The following FANCC variants were observed in gnomAD, a reference collection of about 807,000 sequenced individuals.
The protein encoded by FANCC is FA complementation group C.
A neutral mutation model predicts 71.3 loss-of-function variants in FANCC; 55 were observed. The ratio of observed to expected loss-of-function variants is 0.77; its 90% CI spans 0.62 to 0.97. FANCC has a LOEUF of 0.97. Among genes scored for constraint, FANCC ranks in the 50% least tolerant of loss-of-function variants. The pLI is 0.00. For missense variants in FANCC, 678 were observed against 670.9 expected, an observed-to-expected ratio of 1.01 and a Z score of -0.12; for synonymous variants, 275 against 244.9, an observed-to-expected ratio of 1.12 and a Z score of -1.15.
chr9:95,272,739 A>C (rs1322850347), intron 1 of FANCC, among the ~76,000 whole-genome samples: 1 of 152,158 alleles, frequency 6.6e-6, no homozygotes, highest in African/African-American at 2.4e-5. Context: ...TAACAGAAGT[A>C]ATTTTTCATT....
chr9:95,117,222 T>A, intron 11 of FANCC, 93 bp downstream of exon 11: 1 of 1,085,786 alleles, frequency 9.2e-7, no homozygotes, highest in South Asian at 1.3e-5. Context: ...GTCTCCCTCA[T>A]GCTGTAGATA....
At chr9:95,179,845 T>C (rs1338026056) in intron 4 of FANCC, among the ~76,000 whole-genome samples, 4 of 152,246 alleles carry the variant, frequency 2.6e-5, no homozygotes, top group African/African-American at 9.6e-5. Context: ...GTGTCAGGTC[T>C]ATTACACCAT....
At chr9:95,232,924 A>C (rs1325825353) in intron 4 of FANCC, among the ~76,000 whole-genome samples, 2 of 152,230 alleles carry the variant, frequency 1.3e-5, no homozygotes, top group African/African-American at 2.4e-5. Context: ...TCCACTTCCC[A>C]ATCTTGCAAA....
chr9:95,171,612 A>T (rs1168824129), intron 5 of FANCC, among the ~76,000 whole-genome samples: 1 of 152,234 alleles, frequency 6.6e-6, no homozygotes, highest in Admixed American at 6.5e-5. Flanking sequence ...CCAGAAGAAA[A>T]CAATGCTTTA....
intron 1 of FANCC, chr9:95,317,243 G>C (rs1404403689): frequency 2.0e-5 from 3 of 152,460 alleles, no homozygotes; most frequent in Admixed American, 6.5e-5. Context: ...CGCGACCCCA[G>C]CGCCGGCTCC....
intron 6 of FANCC, among the ~76,000 whole-genome samples, chr9:95,159,879 T>A (rs1421117767): frequency 3.9e-5 from 6 of 152,208 alleles, no homozygotes; most frequent in African/African-American, 1.4e-4. Flanking sequence ...GGGTTGTTTG[T>A]TTTCTTCTTG....
At chr9:95,304,926 G>C (rs75290583) in intron 1 of FANCC, among the ~76,000 whole-genome samples, 251 of 152,126 alleles carry the variant, frequency 1.6e-3, no homozygotes, top group African/African-American at 5.7e-3. Context: ...ATTACAATAT[G>C]GTACTTGACA....
At chr9:95,153,717 T>A (rs984126267) in intron 6 of FANCC, among the ~76,000 whole-genome samples, 2 of 152,212 alleles carry the variant, frequency 1.3e-5, no homozygotes, top group Admixed American at 6.5e-5. Flanking sequence ...ATACTAGTCC[T>A]TTGTCAGATG....
chr9:95,129,006 G>T (rs186394973), intron 8 of FANCC, among the ~76,000 whole-genome samples: 37 of 151,816 alleles, frequency 2.4e-4, no homozygotes, highest in African/African-American at 8.7e-4. Context: ...GGGTTCAAAA[G>T]ATTCTCCTGC....
At chr9:95,176,327 T>G (rs1434835562) in intron 4 of FANCC, among the ~76,000 whole-genome samples, 1 of 152,196 alleles carries the variant, frequency 6.6e-6, no homozygotes, top group Non-Finnish European at 1.5e-5. Flanking sequence ...CCAGTTACTC[T>G]TACTGTGAAG....
At chr9:95,253,958 C>A (rs1401362207) in intron 1 of FANCC, among the ~76,000 whole-genome samples, 1 of 152,240 alleles carries the variant, frequency 6.6e-6, no homozygotes, top group South Asian at 2.1e-4. Context: ...CGCCACTGAT[C>A]TGACAGGGAG....
At chr9:95,152,512 C>T (rs1041768062) in intron 6 of FANCC, among the ~76,000 whole-genome samples, 3 of 152,142 alleles carry the variant, frequency 2.0e-5, no homozygotes, top group Admixed American at 6.5e-5. Flanking sequence ...CCCAGTGAAC[C>T]GGGGAGGATG....
At position 95,140,476 on chromosome 9, in the gene FANCC, A is replaced by AAAAACAAAAC. The variant is rs3837275; in HGVS notation, c.687-4984_687-4975dup. 8.2e-4 allele frequency among the ~76,000 whole-genome samples: 125 copies of AAAAACAAAAC among 151,752 alleles called. 2 individuals are homozygous for AAAAACAAAAC. In the East Asian group the frequency reaches 0.012, roughly 15 times the overall value. On this transcript the variant is annotated intron_variant, in intron 7 of 14. Coordinates refer to ENST00000289081, the MANE Select transcript of FANCC (RefSeq NM_000136.3). ...GCTCCAAATATTTTTATAGCTACAA[A>AAAAACAAAAC]AAAACAAAACAAAACAAAACAAAAC... is the stretch of plus-strand genomic sequence containing the variant.
chr9:95,247,822 A>C (rs1831086669), intron 2 of FANCC, among the ~76,000 whole-genome samples: 1 of 152,240 alleles, frequency 6.6e-6, no homozygotes, highest in South Asian at 2.1e-4. Flanking sequence ...CTTTATTTAA[A>C]AATAATAAAG....
chr9:95,270,927 A>G (rs1832677920), intron 1 of FANCC, among the ~76,000 whole-genome samples: 1 of 152,094 alleles, frequency 6.6e-6, no homozygotes, highest in Non-Finnish European at 1.5e-5. Context: ...AGTGGAGAGG[A>G]GCAGTCACCT....
intron 1 of FANCC, among the ~76,000 whole-genome samples, chr9:95,272,353 T>C (rs1013523279): frequency 6.6e-6 from 1 of 152,226 alleles, no homozygotes; most frequent in African/African-American, 2.4e-5. Context: ...TGCTCAATGA[T>C]ATATTTTTCT....
chr9:95,147,132 T>C (rs1449831049), intron 7 of FANCC, among the ~76,000 whole-genome samples: 2 of 152,070 alleles, frequency 1.3e-5, no homozygotes, highest in African/African-American at 2.4e-5. Context: ...CATTTATTTA[T>C]GATGTATTTT....
intron 4 of FANCC, among the ~76,000 whole-genome samples, chr9:95,237,247 A>G (rs142981574): frequency 3.3e-5 from 5 of 152,272 alleles, no homozygotes; most frequent in African/African-American, 1.2e-4. Context: ...ATTCATCTCA[A>G]TGTAAAGCAT....
At chr9:95,114,149 A>G (rs1162838439) in intron 12 of FANCC, 1 of 195,760 alleles carries the variant, frequency 5.1e-6, no homozygotes, top group Non-Finnish European at 1.1e-5. Flanking sequence ...CTCATTTTAG[A>G]GAGATTTATT....
Sources: gnomAD v4.1 joint callset for allele counts (sites outside exome capture counted in the v4.1 genomes callset) on GRCh38, gnomAD v4.1.1 for gene constraint, MANE v1.5 for transcripts, NCBI Gene and HGNC (gene_info 2026-07-23, HGNC 2026-07-21) for gene names.